Variants in KCNJ6 observed in about 807,000 individuals in gnomAD.
The protein encoded by KCNJ6 is potassium inwardly rectifying channel subfamily J member 6, also known as G protein-activated inward rectifier potassium channel 2.
In KCNJ6, 9 loss-of-function variants were observed where a neutral mutation model predicts 34.2. That is an observed-to-expected ratio of 0.26 (90% CI 0.16 to 0.46). The LOEUF (loss-of-function observed/expected upper bound fraction) is 0.46. Among genes scored for constraint, KCNJ6 ranks in the 20% least tolerant of loss-of-function variants. The pLI, the probability that KCNJ6 is intolerant of heterozygous loss-of-function variation, is 1.00. For synonymous variants in KCNJ6, 196 were observed against 207.1 expected (o/e 0.95, Z 0.46); for missense variants, 236 against 531.3 (o/e 0.44, Z 5.46).
intron 1 of KCNJ6, among the ~76,000 whole-genome samples, chr21:37,898,705 T>G (rs932321649): frequency 1.3e-5 from 2 of 152,214 alleles, no homozygotes; most frequent in African/African-American, 4.8e-5. Flanking sequence ...CCACAGATGT[T>G]ATGCATCCTG....
intron 1 of KCNJ6, among the ~76,000 whole-genome samples, chr21:37,862,673 T>C (rs1568876243): frequency 1.3e-5 from 2 of 151,006 alleles, no homozygotes; most frequent in South Asian, 4.2e-4. Context: ...ATGAAGAAAC[T>C]GGGGGTTCTT....
rs141994856 is a variant in KCNJ6, at chr21:37,801,783, G to A, written c.25+38875C>T. Among the ~76,000 whole-genome samples, 414 of 152,076 alleles carry A rather than the reference G, an allele frequency of 2.7e-3. 5 individuals are homozygous for A. The highest frequency in any genetic ancestry group is 9.4e-3 in the African/African-American group (391 of 41,480). On this transcript the variant is annotated intron_variant, in intron 2 of 3. Transcript: ENST00000609713. ...AAGTGGAGGTGTGGACCCCTTTCCC[G>A]ACTCAGAGGACTGTGGTGAGGACAA...
intron 2 of KCNJ6, among the ~76,000 whole-genome samples, chr21:37,825,672 C>G (rs1373053875): frequency 6.6e-6 from 1 of 152,100 alleles, no homozygotes; most frequent in African/African-American, 2.4e-5. Flanking sequence ...TTCCACACTG[C>G]TAATAACAAC....
intron 2 of KCNJ6, among the ~76,000 whole-genome samples, chr21:37,753,084 G>A (rs2055004570): frequency 6.6e-6 from 1 of 152,362 alleles, no homozygotes; most frequent in Middle Eastern, 3.4e-3. Context: ...AGTGCTGAGG[G>A]TGGGCGAGAC....
chr21:37,805,595 T>C (rs1203782173), intron 2 of KCNJ6, among the ~76,000 whole-genome samples: 1 of 144,998 alleles, frequency 6.9e-6, no homozygotes. Flanking sequence ...TGTTTATTGA[T>C]TTGTGTTACC....
At chr21:37,760,979 A>C (rs1318008345) in intron 2 of KCNJ6, among the ~76,000 whole-genome samples, 1 of 152,206 alleles carries the variant, frequency 6.6e-6, no homozygotes, top group East Asian at 1.9e-4. Context: ...CAGGCAGGTC[A>C]GGGAAGAGCC....
chr21:37,792,588 T>C (rs1443720316), intron 2 of KCNJ6, among the ~76,000 whole-genome samples: 1 of 152,176 alleles, frequency 6.6e-6, no homozygotes, highest in East Asian at 1.9e-4. Flanking sequence ...GCAACTACTA[T>C]ATGCTAAGGG....
At chr21:37,892,542 A>C (rs2055767191) in intron 1 of KCNJ6, among the ~76,000 whole-genome samples, 1 of 152,176 alleles carries the variant, frequency 6.6e-6, no homozygotes, top group African/African-American at 2.4e-5. Flanking sequence ...CCTTTGGGCA[A>C]AATGTATTGA....
intron 3 of KCNJ6, among the ~76,000 whole-genome samples, chr21:37,639,324 C>A (rs1023317994): frequency 1.9e-4 from 29 of 152,188 alleles, no homozygotes; most frequent in African/African-American, 6.8e-4. Context: ...TTGATACCAA[C>A]AACTACAAAC....
chr21:37,786,093 G>A (rs1239782616), intron 2 of KCNJ6, among the ~76,000 whole-genome samples: 1 of 152,188 alleles, frequency 6.6e-6, no homozygotes, highest in Non-Finnish European at 1.5e-5. Context: ...GCCTGATCTG[G>A]TCCTACAACT....
chr21:37,642,490 A>G (rs2054385378), intron 3 of KCNJ6, among the ~76,000 whole-genome samples: 1 of 152,194 alleles, frequency 6.6e-6, no homozygotes, highest in Admixed American at 6.5e-5. Flanking sequence ...GGATTCAAAC[A>G]TGGTGGTCAA....
intron 1 of KCNJ6, among the ~76,000 whole-genome samples, chr21:37,859,703 AG>A (rs1331854291): frequency 6.6e-6 from 1 of 151,282 alleles, no homozygotes; most frequent in Non-Finnish European, 1.5e-5. Flanking sequence ...AGACCAGCAA[AG>A]AATTTCATTG....
At chr21:37,729,965 C>A (rs932912469) in intron 2 of KCNJ6, among the ~76,000 whole-genome samples, 13 of 152,188 alleles carry the variant, frequency 8.5e-5, no homozygotes, top group African/African-American at 3.1e-4. Context: ...GGGAAGCCAA[C>A]AGATTTGCCA....
At chr21:37,866,390 A>G (rs2055622808) in intron 1 of KCNJ6, among the ~76,000 whole-genome samples, 1 of 152,164 alleles carries the variant, frequency 6.6e-6, no homozygotes, top group Admixed American at 6.5e-5. Context: ...GGATCTGATG[A>G]GTTGGGAGAA....
At chr21:37,716,641 C>T (rs2054792920) in intron 2 of KCNJ6, among the ~76,000 whole-genome samples, 1 of 152,004 alleles carries the variant, frequency 6.6e-6, no homozygotes, top group Middle Eastern at 3.2e-3. Context: ...CCTTGGCCTC[C>T]CAAAATGCTG....
At chr21:37,656,617 C>G (rs958391937) in intron 3 of KCNJ6, among the ~76,000 whole-genome samples, 4 of 152,224 alleles carry the variant, frequency 2.6e-5, no homozygotes, top group Non-Finnish European at 5.9e-5. Flanking sequence ...GCTGGAGCGG[C>G]TGGGGCTGGC....
At chr21:37,702,057 A>AC (rs1174608414) in intron 3 of KCNJ6, among the ~76,000 whole-genome samples, 2 of 151,346 alleles carry the variant, frequency 1.3e-5, no homozygotes, top group East Asian at 3.9e-4. Context: ...ATGTGGTGAA[A>AC]CCCCGTCTCT....
Position 37,698,679 on chromosome 21 carries a change from G to A in KCNJ6, c.946+15532C>T, listed in dbSNP as rs1425854209. Among the ~76,000 whole-genome samples the A allele has an allele frequency of 2.0e-5, 3 of 150,334 alleles. No individual in the cohort carries two copies. The Admixed American group carries it at 2.0e-4, about 10-fold the overall frequency. ...CTCTAGTAGCTGAGACCACAAACGAGCGCCACCATGCCCAGGTAATTTTTT... is the reference window on the plus strand; with the variant it reads ...CTCTAGTAGCTGAGACCACAAACGAACGCCACCATGCCCAGGTAATTTTTT... On this transcript the variant is annotated intron_variant, in intron 3 of 3. Coordinates refer to ENST00000609713, the MANE Select transcript of KCNJ6 (RefSeq NM_002240.5).
chr21:37,742,613 A>G (rs944564662), intron 2 of KCNJ6, among the ~76,000 whole-genome samples: 1 of 152,316 alleles, frequency 6.6e-6, no homozygotes, highest in Non-Finnish European at 1.5e-5. Flanking sequence ...ACATTCATAC[A>G]TGAGTGGCCA....
Sources: allele counts gnomAD v4.1 joint callset (sites outside exome capture counted in the v4.1 genomes callset), GRCh38; gene constraint gnomAD v4.1.1; transcripts MANE v1.5; gene names NCBI Gene and HGNC (gene_info 2026-07-23, HGNC 2026-07-21).